SRRM4: variants seen among roughly 807,000 people sequenced by gnomAD.
The protein encoded by SRRM4 is serine/arginine repetitive matrix 4.
Under a neutral mutation model 68.9 loss-of-function variants are expected in SRRM4, and 33 were observed. The observed-to-expected ratio is 0.48, with a 90% CI of 0.36 to 0.64. SRRM4 has a LOEUF of 0.64. Among genes scored for constraint, SRRM4 ranks in the 30% least tolerant of loss-of-function variants. SRRM4 has a pLI of 0.00. For missense variants in SRRM4, 817 were observed against 827.1 expected (o/e 0.99, Z 0.15); for synonymous variants, 318 against 318.8 (o/e 1.00, Z 0.03).
rs1417989876 is a variant in SRRM4, at chr12:119,051,642, A to G, written c.132-50594A>G. Among the ~76,000 whole-genome samples, 5 of 152,212 alleles carry G rather than the reference A, an allele frequency of 3.3e-5. 1 individual carries two copies. The highest frequency in any genetic ancestry group is 2.0e-4 in the Admixed American group (3 of 15,284). On this transcript the variant is annotated intron_variant, in intron 1 of 12. Coordinates refer to ENST00000267260, the MANE Select transcript of SRRM4 (RefSeq NM_194286.4). ...AAATTTCTAAGAAAGACTACACAATACTTTCCCTTCCTTGGCCTTCACGTT... is the reference window on the plus strand; with the variant it reads ...AAATTTCTAAGAAAGACTACACAATGCTTTCCCTTCCTTGGCCTTCACGTT...
At chr12:119,052,670 A>G (rs1309099820) in intron 1 of SRRM4, among the ~76,000 whole-genome samples, 2 of 152,154 alleles carry the variant, frequency 1.3e-5, no homozygotes, top group African/African-American at 2.4e-5. Flanking sequence ...CTGGGACTAC[A>G]GGCACCCGCC....
chr12:119,083,182 C>T (rs150653876), intron 1 of SRRM4, among the ~76,000 whole-genome samples: 2 of 152,086 alleles, frequency 1.3e-5, no homozygotes, highest in African/African-American at 4.8e-5. Flanking sequence ...ACTGACCTGC[C>T]CATTTCCCCC....
chr12:119,045,876 A>T (rs1206096441), intron 1 of SRRM4, among the ~76,000 whole-genome samples: 1 of 151,854 alleles, frequency 6.6e-6, no homozygotes, highest in African/African-American at 2.4e-5. Context: ...CATCTGTACT[A>T]AAATACAAAA....
At chr12:119,114,599 G>A (rs1565911265) in intron 3 of SRRM4, among the ~76,000 whole-genome samples, 1 of 151,066 alleles carries the variant, frequency 6.6e-6, no homozygotes, top group Non-Finnish European at 1.5e-5. Context: ...AAAAATTAAT[G>A]TGGAAGCGGC....
At chr12:119,050,571 G>A (rs1953736470) in intron 1 of SRRM4, among the ~76,000 whole-genome samples, 1 of 152,222 alleles carries the variant, frequency 6.6e-6, no homozygotes, top group Non-Finnish European at 1.5e-5. Context: ...ACCTTTAGGG[G>A]AGTTATCTTT....
At chr12:119,084,085 C>T (rs1592892031) in intron 1 of SRRM4, among the ~76,000 whole-genome samples, 2 of 152,306 alleles carry the variant, frequency 1.3e-5, no homozygotes, top group East Asian at 3.9e-4. Flanking sequence ...TTTACAGGTG[C>T]AGGAACTGAG....
intron 1 of SRRM4, among the ~76,000 whole-genome samples, chr12:119,005,098 C>A (rs2135994997): frequency 6.6e-6 from 1 of 152,338 alleles, no homozygotes; most frequent in Admixed American, 6.5e-5. Context: ...TCACTGTAGG[C>A]CCCTAAACTC....
At chr12:119,083,708 G>T (rs540669180) in intron 1 of SRRM4, among the ~76,000 whole-genome samples, 7 of 152,258 alleles carry the variant, frequency 4.6e-5, no homozygotes, top group African/African-American at 1.7e-4. Flanking sequence ...GACATTTGCT[G>T]GTCAGCTGGT....
intron 1 of SRRM4, among the ~76,000 whole-genome samples, chr12:119,081,535 C>A (rs1002395328): frequency 6.6e-6 from 1 of 152,268 alleles, no homozygotes; most frequent in African/African-American, 2.4e-5. Flanking sequence ...AGAGTGGTAA[C>A]AGGGGCCGGA....
Position 119,004,654 on chromosome 12 carries a change from C to G in SRRM4, c.131+22641C>G, listed in dbSNP as rs183146302. On this transcript the variant is annotated intron_variant, in intron 1 of 12. Coordinates refer to ENST00000267260, the MANE Select transcript of SRRM4 (RefSeq NM_194286.4). ...TTCTTTTACAGGCAGGGAAATTGATCAGAGTATGGCAGCCCATTCAACAAG... is the reference window on the plus strand; with the variant it reads ...TTCTTTTACAGGCAGGGAAATTGATGAGAGTATGGCAGCCCATTCAACAAG... 2.5e-3 allele frequency among the ~76,000 whole-genome samples: 384 copies of G among 152,044 alleles called. 3 individuals are homozygous for G. Among genetic ancestry groups the G allele is most frequent in the African/African-American group, 8.7e-3 (363 of 41,554 alleles).
intron 2 of SRRM4, among the ~76,000 whole-genome samples, chr12:119,109,526 C>CT (rs1256519121): frequency 1.3e-5 from 2 of 152,186 alleles, no homozygotes; most frequent in Admixed American, 1.3e-4. Flanking sequence ...TCTTTTTACT[C>CT]TTTTTTCTCT....
chr12:119,109,682 G>T (rs1004412849), intron 2 of SRRM4, among the ~76,000 whole-genome samples: 1 of 152,062 alleles, frequency 6.6e-6, no homozygotes, highest in South Asian at 2.1e-4. Flanking sequence ...GTCATTTAAG[G>T]TCTTCTCTAC....
At position 119,158,970 on chromosome 12, in the gene SRRM4, TGTG is replaced by T. The variant is rs1249086346; in HGVS notation, c.*2173_*2175del. On this transcript the variant is annotated 3_prime_UTR_variant, in exon 13 of 13. Transcript: ENST00000267260. ...ATTATTTATTTATACAGAGGTTTTG[TGTG>T]TGTGTGTGTGTGTGTGTGTGTGTGT... 1.2e-4 allele frequency: 3 copies of T among 24,868 alleles called. No homozygotes were observed. Among genetic ancestry groups the T allele is most frequent in the African/African-American group, 6.6e-4 (3 of 4,530 alleles). The allele number at this position is 24,868 out of a possible 1,614,324, so 1.5% of individuals were successfully genotyped here.
chr12:119,011,633 A>G (rs1252851151), intron 1 of SRRM4, among the ~76,000 whole-genome samples: 1 of 152,238 alleles, frequency 6.6e-6, no homozygotes, highest in Non-Finnish European at 1.5e-5. Flanking sequence ...GAAATTAAAA[A>G]AATAAAATAA....
At chr12:119,022,482 G>A (rs117806816) in intron 1 of SRRM4, among the ~76,000 whole-genome samples, 38 of 152,252 alleles carry the variant, frequency 2.5e-4, no homozygotes, top group Middle Eastern at 6.8e-3. Context: ...CCACAAAGCA[G>A]CAATAGAAAT....
chr12:118,999,157 C>A (rs563411870), intron 1 of SRRM4, among the ~76,000 whole-genome samples: 75 of 152,200 alleles, frequency 4.9e-4, no homozygotes, highest in Non-Finnish European at 1.0e-3. Flanking sequence ...AGCCCCCACA[C>A]TGCTGATTCC....
intron 1 of SRRM4, among the ~76,000 whole-genome samples, chr12:119,049,718 G>A (rs1953729568): frequency 6.6e-6 from 1 of 152,146 alleles, no homozygotes; most frequent in Non-Finnish European, 1.5e-5. Context: ...TTGTTTTGAA[G>A]GCTGGAAGTT....
At chr12:119,104,706 T>A (rs1238840397) in intron 2 of SRRM4, among the ~76,000 whole-genome samples, 1 of 151,902 alleles carries the variant, frequency 6.6e-6, no homozygotes, top group Non-Finnish European at 1.5e-5. Flanking sequence ...TAAATCTAGG[T>A]TTGTCAGCTT....
chr12:119,144,072 C>T (rs1045951815), intron 8 of SRRM4, among the ~76,000 whole-genome samples: 5 of 152,118 alleles, frequency 3.3e-5, no homozygotes, highest in Non-Finnish European at 7.4e-5. Context: ...CAAGTGCTGG[C>T]TTTCCATCGC....
Sources: gnomAD v4.1 joint callset for allele counts (sites outside exome capture counted in the v4.1 genomes callset) on GRCh38, gnomAD v4.1.1 for gene constraint, MANE v1.5 for transcripts, NCBI Gene and HGNC (gene_info 2026-07-23, HGNC 2026-07-21) for gene names.